Variants in LAMA2 observed in about 807,000 individuals in gnomAD.
LAMA2 encodes laminin subunit alpha 2, also known as laminin subunit alpha-2.
LAMA2 carries 269 observed loss-of-function variants against 364.8 expected under a neutral mutation model. The observed-to-expected ratio is 0.74, with a 90% CI of 0.67 to 0.82. The LOEUF is 0.82. Ranked by LOEUF, LAMA2 falls within the 40% of genes least tolerant of loss-of-function variation. The pLI, the probability that LAMA2 is intolerant of heterozygous loss-of-function variation, is 0.00. For missense variants in LAMA2, 3,807 were observed against 3,873.2 expected, an observed-to-expected ratio of 0.98 and a Z score of 0.45; for synonymous variants, 1,379 against 1,370.6, an observed-to-expected ratio of 1.01 and a Z score of -0.14.
At chr6:129,335,551 T>C (rs1253146593) in intron 29 of LAMA2, among the ~76,000 whole-genome samples, 1 of 152,154 alleles carries the variant, frequency 6.6e-6, no homozygotes, top group Admixed American at 6.5e-5. Context: ...TTTCACTCTA[T>C]CATAATTCTT....
At chr6:129,084,995 C>A (rs1443350152) in intron 3 of LAMA2, among the ~76,000 whole-genome samples, 1 of 152,136 alleles carries the variant, frequency 6.6e-6, no homozygotes, top group African/African-American at 2.4e-5. Context: ...TACTGAAGAT[C>A]TTCCTGCTTT....
At chr6:129,250,818 G>A (rs994092261) in intron 13 of LAMA2, among the ~76,000 whole-genome samples, 12 of 152,018 alleles carry the variant, frequency 7.9e-5, no homozygotes, top group African/African-American at 1.2e-4. Context: ...ACACTGATAC[G>A]TATTCAGAGG....
chr6:128,909,965 C>T (rs369484625), intron 1 of LAMA2, among the ~76,000 whole-genome samples: 2 of 151,914 alleles, frequency 1.3e-5, no homozygotes, highest in Non-Finnish European at 1.5e-5. Context: ...AATATTGGCC[C>T]CCACTCTCTT....
At position 129,267,166 on chromosome 6, in the gene LAMA2, T is replaced by C; in HGVS notation, c.2269T>C (p.Cys757Arg). 6.2e-7 allele frequency: 1 copy of C among 1,613,458 alleles called. No homozygotes were observed. Among genetic ancestry groups the C allele is most frequent in the South Asian group, 1.1e-5 (1 of 91,074 alleles). Residue 757 changes from cysteine (C) to arginine (R), a missense_variant, in exon 16 of 65, where the codon TGT becomes CGT. Physicochemically the swap from Cys to Arg is radical, Grantham distance 180. Around this residue, in one of 3 missense-constraint regions of LAMA2, gnomAD observed 3,333 missense variants for 3,345.7 expected, o/e 1.00. Transcript: ENST00000421865. ...GTIFGGICEP[C>R]QCFGHAESCD... ...TATTTTTGGTGGCATCTGTGAGCCA[T>C]GTCAGTGCTTTGGTCATGCGGAGTC...
At chr6:128,986,454 A>C (rs1013114163) in intron 1 of LAMA2, among the ~76,000 whole-genome samples, 2 of 152,246 alleles carry the variant, frequency 1.3e-5, no homozygotes, top group Admixed American at 1.3e-4. Flanking sequence ...AATAGAGAAA[A>C]TACATTATAG....
At chr6:129,185,592 C>A (rs1287647198) in intron 10 of LAMA2, among the ~76,000 whole-genome samples, 1 of 151,670 alleles carries the variant, frequency 6.6e-6, no homozygotes, top group East Asian at 1.9e-4. Context: ...GGCAAACATT[C>A]ACATGGTGCA....
At chr6:129,353,643 T>A (rs1276181250) in intron 32 of LAMA2, among the ~76,000 whole-genome samples, 1 of 152,156 alleles carries the variant, frequency 6.6e-6, no homozygotes, top group East Asian at 1.9e-4. Flanking sequence ...GATTTGTCCA[T>A]CTCAGGGTTT....
intron 10 of LAMA2, among the ~76,000 whole-genome samples, chr6:129,181,606 T>A (rs1399871249): frequency 6.6e-6 from 1 of 151,628 alleles, no homozygotes; most frequent in African/African-American, 2.4e-5. Context: ...AAACAAGAGA[T>A]GAGAAACTGC....
chr6:129,352,981 A>G (rs1160399473), intron 31 of LAMA2, among the ~76,000 whole-genome samples, 183 bp from the exon 32 acceptor site: 1 of 152,058 alleles, frequency 6.6e-6, no homozygotes, highest in East Asian at 1.9e-4. Flanking sequence ...TCACGGCATA[A>G]TCTTGATTTT....
intron 35 of LAMA2, among the ~76,000 whole-genome samples, chr6:129,386,612 C>T (rs1001841580): frequency 3.9e-5 from 6 of 152,058 alleles, no homozygotes; most frequent in South Asian, 2.1e-4. Context: ...GTAAGTAAAG[C>T]GCAGTGAAAT....
chr6:129,312,511 G>A (rs1270807184), intron 22 of LAMA2, among the ~76,000 whole-genome samples: 1 of 152,120 alleles, frequency 6.6e-6, no homozygotes, highest in Non-Finnish European at 1.5e-5. Context: ...ACAATTATGA[G>A]ATAATAAGGT....
chr6:129,470,162 TTGA>T (rs1449145249), intron 51 of LAMA2, among the ~76,000 whole-genome samples: 1 of 151,820 alleles, frequency 6.6e-6, no homozygotes, highest in East Asian at 1.9e-4. Context: ...AGTGAAGCTG[TTGA>T]TTGATTAGAT....
At chr6:129,468,856 A>C (rs1686231197) in intron 51 of LAMA2, among the ~76,000 whole-genome samples, 2 of 151,894 alleles carry the variant, frequency 1.3e-5, no homozygotes, top group African/African-American at 4.8e-5. Context: ...ACAAGTAGCA[A>C]ATTACTGTAT....
At chr6:128,921,704 T>TTTTTATTTATTTA (rs1562831934) in intron 1 of LAMA2, among the ~76,000 whole-genome samples, 1 of 144,980 alleles carries the variant, frequency 6.9e-6, no homozygotes, top group Non-Finnish European at 1.5e-5. Context: ...TCTGTTTTTT[T>TTTTTATTTATTTA]TTTTTTTTTA....
chr6:129,277,782 AT>A (rs1788432939), intron 17 of LAMA2, among the ~76,000 whole-genome samples: 1 of 152,106 alleles, frequency 6.6e-6, no homozygotes, highest in South Asian at 2.1e-4. Flanking sequence ...AATTTAACAT[AT>A]TTTTATTGCC....
At chr6:129,247,900 T>G (rs946343517) in intron 12 of LAMA2, among the ~76,000 whole-genome samples, 1 of 152,200 alleles carries the variant, frequency 6.6e-6, no homozygotes, top group Non-Finnish European at 1.5e-5. Flanking sequence ...GAGCCCCTAT[T>G]TTTCTGCGTA....
intron 1 of LAMA2, among the ~76,000 whole-genome samples, chr6:128,950,230 CAG>C (rs1780727782): frequency 6.6e-6 from 1 of 151,980 alleles, no homozygotes; most frequent in African/African-American, 2.4e-5. Context: ...ATGGGGCACT[CAG>C]AGAAAAGAGT....
chr6:129,402,531 G>T (rs754198210), intron 39 of LAMA2, 44 bp downstream of exon 39: 1 of 1,584,126 alleles, frequency 6.3e-7, no homozygotes, highest in Non-Finnish European at 8.7e-7. Flanking sequence ...TTTGATGCTT[G>T]TCCAAAGGTT....
At chr6:129,343,069 A>G (rs889290454) in intron 30 of LAMA2, among the ~76,000 whole-genome samples, 1 of 152,184 alleles carries the variant, frequency 6.6e-6, no homozygotes, top group African/African-American at 2.4e-5. Flanking sequence ...ATCTTATTTC[A>G]GTGCTGTCTG....
Sources: allele counts gnomAD v4.1 joint callset (sites outside exome capture counted in the v4.1 genomes callset), GRCh38; gene constraint gnomAD v4.1.1; regional missense constraint gnomAD v4.1.1; transcripts MANE v1.5; gene names NCBI Gene and HGNC (gene_info 2026-07-23, HGNC 2026-07-21).